The following DCAF8L2 variants were observed in gnomAD, a reference collection of about 807,000 sequenced individuals.
DCAF8L2 encodes the protein DDB1 and CUL4 associated factor 8 like 2, also known as DDB1- and CUL4-associated factor 8-like protein 2.
For synonymous variants in DCAF8L2, 200 were observed against 190.9 expected, an observed-to-expected ratio of 1.05 and a Z score of -0.39; for missense variants, 430 against 490.7, an observed-to-expected ratio of 0.88 and a Z score of 1.17.
At chrX:27,733,078 C>T (rs1177702308) in intron 4 of DCAF8L2, among the ~76,000 whole-genome samples, 4 of 110,704 alleles carry the variant, frequency 3.6e-5, no homozygotes, top group Non-Finnish European at 7.6e-5. Flanking sequence ...AGGATGGTCT[C>T]GATCTCCTGA....
intron 1 of DCAF8L2, among the ~76,000 whole-genome samples, chrX:27,605,412 C>A (rs1926825621): frequency 9.0e-6 from 1 of 110,908 alleles, no homozygotes; most frequent in Non-Finnish European, 1.9e-5. Context: ...AATTATTTTT[C>A]TTAAGTCATA....
chrX:27,573,247 C>CTCTG, the DCAF8L2 span, among the ~76,000 whole-genome samples: 1 of 95,487 alleles, frequency 1.0e-5, no homozygotes. Flanking sequence ...CTCTCTCTCT[C>CTCTG]TCTCTCTCAC....
At chrX:27,532,947 C>T in the DCAF8L2 span, among the ~76,000 whole-genome samples, 45 of 102,249 alleles carry the variant, frequency 4.4e-4, no homozygotes, top group Non-Finnish European at 6.9e-4. Flanking sequence ...CGTGGTGGCA[C>T]GTGCCTGTAA....
the DCAF8L2 span, among the ~76,000 whole-genome samples, chrX:27,528,773 A>C: frequency 9.0e-6 from 1 of 110,533 alleles, no homozygotes; most frequent in Non-Finnish European, 1.9e-5. Context: ...ACCTCTCATC[A>C]CCTTTAAATA....
chrX:27,673,800 C>T (rs948773618), intron 2 of DCAF8L2, among the ~76,000 whole-genome samples: 4 of 109,815 alleles, frequency 3.6e-5, no homozygotes, highest in African/African-American at 1.3e-4. Context: ...CATAACAACC[C>T]TTCATAAAAT....
intron 4 of DCAF8L2, among the ~76,000 whole-genome samples, chrX:27,723,519 T>A (rs944601728): frequency 1.8e-5 from 2 of 111,492 alleles, no homozygotes; most frequent in African/African-American, 6.5e-5. Context: ...GCAAACACAC[T>A]CTATAGAGAA....
At chrX:27,620,560 A>G (rs1250764564) in intron 1 of DCAF8L2, among the ~76,000 whole-genome samples, 1 of 112,165 alleles carries the variant, frequency 8.9e-6, no homozygotes, top group East Asian at 2.8e-4. Context: ...GGAAGCATAC[A>G]AAACAATGCT....
chrX:27,471,683 C>G, the DCAF8L2 span, among the ~76,000 whole-genome samples: 2 of 111,633 alleles, frequency 1.8e-5, no homozygotes, highest in Non-Finnish European at 3.8e-5. Context: ...AGTTTCTCAA[C>G]AGAACTTTCT....
At chrX:27,653,452 A>C (rs931109550) in intron 2 of DCAF8L2, among the ~76,000 whole-genome samples, 1 of 111,198 alleles carries the variant, frequency 9.0e-6, no homozygotes, top group Non-Finnish European at 1.9e-5. Flanking sequence ...TTTTTTAAAA[A>C]TTCATTACAG....
the DCAF8L2 span, among the ~76,000 whole-genome samples, chrX:27,529,984 A>G: frequency 8.9e-6 from 1 of 112,103 alleles, no homozygotes; most frequent in Middle Eastern, 4.6e-3. Flanking sequence ...GACCATTGGC[A>G]CACACAGCTT....
In DCAF8L2 at chrX:27,677,898, G is replaced by A. The variant is rs1930195620; in HGVS notation, c.-157G>A. ...GAACTTTCTGACCATACTGTGGAGCGGTGCTAATAAGGAGGTAAGAGTGGA... is the reference window on the plus strand; with the variant it reads ...GAACTTTCTGACCATACTGTGGAGCAGTGCTAATAAGGAGGTAAGAGTGGA... On this transcript the variant is annotated 5_prime_UTR_variant, in exon 3 of 5. Coordinates refer to ENST00000451261, the MANE Select transcript of DCAF8L2 (RefSeq NM_001353450.2). 1.8e-5 allele frequency: 2 copies of A among 111,610 alleles called. No individual in the cohort carries two copies. The highest frequency in any genetic ancestry group is 3.8e-5 in the Non-Finnish European group (2 of 53,065). 9.2% of individuals were successfully genotyped at this position (111,610 alleles called of 1,213,427 possible). A position where few individuals can be genotyped will look rare whatever the true frequency, so the allele number is the denominator to read the frequency against.
At chrX:27,516,211 A>G in the DCAF8L2 span, among the ~76,000 whole-genome samples, 2 of 111,617 alleles carry the variant, frequency 1.8e-5, no homozygotes, top group African/African-American at 6.5e-5. Flanking sequence ...AAAGTATTAG[A>G]ACATGTGAAT....
At chrX:27,570,484 T>TA in the DCAF8L2 span, among the ~76,000 whole-genome samples, 1 of 111,685 alleles carries the variant, frequency 9.0e-6, no homozygotes, top group African/African-American at 3.3e-5. Context: ...CCATAACTGT[T>TA]ACAATATTAA....
chrX:27,523,770 C>G, the DCAF8L2 span, among the ~76,000 whole-genome samples: 2 of 109,407 alleles, frequency 1.8e-5, no homozygotes, highest in African/African-American at 6.7e-5. Flanking sequence ...CTCCCCCGTC[C>G]CCCCACCCCA....
the DCAF8L2 span, among the ~76,000 whole-genome samples, chrX:27,479,831 G>A: frequency 8.9e-6 from 1 of 112,060 alleles, no homozygotes; most frequent in Non-Finnish European, 1.9e-5. Context: ...ACAGCAGTGG[G>A]TCTCAGACCT....
chrX:27,682,297 T>C (rs1204597079), intron 3 of DCAF8L2, among the ~76,000 whole-genome samples: 2 of 111,845 alleles, frequency 1.8e-5, no homozygotes, highest in African/African-American at 6.5e-5. Flanking sequence ...TCTCCAGACA[T>C]TTAAAATAGT....
chrX:27,689,899 A>T (rs766039351), intron 3 of DCAF8L2, among the ~76,000 whole-genome samples: 60 of 112,265 alleles, frequency 5.3e-4, no homozygotes, highest in African/African-American at 1.9e-3. Context: ...ATAAAGAAAA[A>T]TAAGAAAATA....
chrX:27,677,634 A>T (rs1347492135), intron 2 of DCAF8L2, among the ~76,000 whole-genome samples: 1 of 111,748 alleles, frequency 8.9e-6, no homozygotes, highest in Non-Finnish European at 1.9e-5. Context: ...AAGCTTAGGA[A>T]AAGTAGGAAA....
chrX:27,629,882 T>C lies in DCAF8L2; in HGVS notation c.-341-1997T>C, dbSNP rs1327681444. Among the ~76,000 whole-genome samples, 107 of 111,844 alleles carry C rather than the reference T, an allele frequency of 9.6e-4. 1 individual carries two copies. The Admixed American group carries it at 0.01, about 11-fold the overall frequency. On this transcript the variant is annotated intron_variant, in intron 1 of 4. Coordinates refer to ENST00000451261, the MANE Select transcript of DCAF8L2 (RefSeq NM_001353450.2). ...GAATTTTGACAGGAATAGCAATGACTCTGTAGGCCACTGGGTAGTATGGAC... is the reference window on the plus strand; with the variant it reads ...GAATTTTGACAGGAATAGCAATGACCCTGTAGGCCACTGGGTAGTATGGAC...
Sources: gnomAD v4.1 joint callset for allele counts (sites outside exome capture counted in the v4.1 genomes callset) on GRCh38, gnomAD v4.1.1 for gene constraint, MANE v1.5 for transcripts, NCBI Gene and HGNC (gene_info 2026-07-23, HGNC 2026-07-21) for gene names.